GNG7: variants seen among roughly 807,000 people sequenced by gnomAD.
The protein encoded by GNG7 is G protein subunit gamma 7, also known as guanine nucleotide-binding protein G(I)/G(S)/G(O) subunit gamma-7.
In GNG7, 1 loss-of-function variant was observed where a neutral mutation model predicts 4.0. The observed-to-expected ratio is 0.25, with a 90% confidence interval of 0.09 to 1.18. The LOEUF is 1.18. GNG7 is among the 50% of genes most tolerant of loss of function. GNG7 has a pLI of 0.50. For synonymous variants in GNG7, 34 were observed against 36.9 expected (o/e 0.92, Z 0.29); for missense variants, 86 against 91.9 (o/e 0.94, Z 0.26).
chr19:2,560,909 A>G (rs1477159792), intron 2 of GNG7, among the ~76,000 whole-genome samples: 1 of 151,254 alleles, frequency 6.6e-6, no homozygotes, highest in African/African-American at 2.4e-5. Flanking sequence ...GTGAGCCGAG[A>G]TCGTACCATT....
intron 2 of GNG7, among the ~76,000 whole-genome samples, chr19:2,593,933 A>AC (rs1326120395): frequency 2.6e-5 from 4 of 151,598 alleles, no homozygotes; most frequent in African/African-American, 7.3e-5. Flanking sequence ...GATGCCAAAA[A>AC]AAAAAAAAAA....
At chr19:2,616,654 T>C (rs1052935224) in intron 2 of GNG7, among the ~76,000 whole-genome samples, 2 of 151,588 alleles carry the variant, frequency 1.3e-5, no homozygotes, top group African/African-American at 4.8e-5. Context: ...CGGGTGCCTG[T>C]AATCCCAGCT....
chr19:2,684,249 G>A (rs2144902728), intron 1 of GNG7, among the ~76,000 whole-genome samples: 1 of 151,030 alleles, frequency 6.6e-6, no homozygotes, highest in Non-Finnish European at 1.5e-5. Context: ...CAATTCTCCT[G>A]CCTCAGCCTC....
At chr19:2,560,943 G>A (rs1258480092) in intron 2 of GNG7, among the ~76,000 whole-genome samples, 2 of 132,564 alleles carry the variant, frequency 1.5e-5, no homozygotes, top group Non-Finnish European at 3.2e-5. Flanking sequence ...GGCGACAGAA[G>A]GAGACTGTTT....
At position 2,618,698 on chromosome 19, in the gene GNG7, T is replaced by G. The variant is rs1487440657; in HGVS notation, c.-78+27526A>C. Among the ~76,000 whole-genome samples the G allele has an allele frequency of 6.6e-6, 1 of 151,950 alleles. No individual in the cohort carries two copies. Among genetic ancestry groups the G allele is most frequent in the Non-Finnish European group, 1.5e-5 (1 of 67,990 alleles). ...AATTTTATTTGGAGTAATTTTAGAT[T>G]TACAGGAAAGTTGCAAAGAGAGAGT... On this transcript the variant is annotated intron_variant, in intron 2 of 4. Transcript: ENST00000382159. This position sits in a 1 kb window ranked among gnomAD's most constrained non-coding sequence, Gnocchi z 5.1.
chr19:2,517,965 C>T (rs1311607329), intron 4 of GNG7, among the ~76,000 whole-genome samples: 1 of 152,174 alleles, frequency 6.6e-6, no homozygotes, highest in Non-Finnish European at 1.5e-5. Flanking sequence ...GTGAGCCCGC[C>T]GGCTGCGGCC....
chr19:2,540,914 C>T (rs1209256049), intron 3 of GNG7, among the ~76,000 whole-genome samples: 3 of 152,192 alleles, frequency 2.0e-5, no homozygotes, highest in Non-Finnish European at 2.9e-5. Context: ...ACTCCCGGCT[C>T]GATAAACCGA....
intron 2 of GNG7, chr19:2,642,957 C>T (rs762384938): frequency 2.2e-6 from 1 of 451,308 alleles, no homozygotes; most frequent in Non-Finnish European, 4.4e-6. Flanking sequence ...ACCTTCTGGC[C>T]CTGCCGTCGG....
At chr19:2,541,301 GTC>G (rs934155856) in intron 3 of GNG7, among the ~76,000 whole-genome samples, 1 of 152,034 alleles carries the variant, frequency 6.6e-6, no homozygotes, top group African/African-American at 2.4e-5. Flanking sequence ...GTGAGACCCT[GTC>G]TCTAAAATAA....
At chr19:2,518,122 C>A (rs898619227) in intron 4 of GNG7, among the ~76,000 whole-genome samples, 2 of 152,194 alleles carry the variant, frequency 1.3e-5, no homozygotes, top group Non-Finnish European at 2.9e-5. Context: ...ATGCCCACTG[C>A]GCTGGGCTGG....
At chr19:2,523,621 C>T (rs1425024284) in intron 3 of GNG7, among the ~76,000 whole-genome samples, 1 of 152,132 alleles carries the variant, frequency 6.6e-6, no homozygotes. Context: ...CACAGAGAGC[C>T]TCACACACTC....
At chr19:2,535,884 G>C (rs1031335962) in intron 3 of GNG7, among the ~76,000 whole-genome samples, 2 of 152,038 alleles carry the variant, frequency 1.3e-5, no homozygotes, top group East Asian at 3.9e-4. Flanking sequence ...CCAGTGCTTT[G>C]GGAGGCCAAG....
At chr19:2,551,608 C>CAAATATATATTTAT (rs1979330175) in intron 3 of GNG7, among the ~76,000 whole-genome samples, 16 of 147,140 alleles carry the variant, frequency 1.1e-4, no homozygotes, top group East Asian at 3.9e-4. Flanking sequence ...AATATATAAA[C>CAAATATATATTTAT]AAATATATAT....
intron 1 of GNG7, among the ~76,000 whole-genome samples, chr19:2,676,005 G>A (rs941544306): frequency 6.6e-6 from 1 of 152,256 alleles, no homozygotes; most frequent in African/African-American, 2.4e-5. Flanking sequence ...AATAACTGAT[G>A]TCCTTATAAG....
rs1555697052 is a variant in GNG7 at position 2,602,904 on chromosome 19, T to TCTTTCTTTCTTTG, written c.-78+43319_-78+43320insCAAAGAAAGAAAG. Among the ~76,000 whole-genome samples the TCTTTCTTTCTTTG allele has an allele frequency of 1.1e-4, 17 of 149,928 alleles. No individual in the cohort carries two copies. In the East Asian group the frequency reaches 2.5e-3, roughly 22 times the overall value. ...TTCTCTTTCTTTTTCTCTTTTTCTTTCTTTCTTTCTTTCTTTCTTTTTGTT... is the reference window on the plus strand; with the variant it reads ...TTCTCTTTCTTTTTCTCTTTTTCTTTCTTTCTTTCTTTGCTTTCTTTCTTTCTTTCTTTTTGTT... On this transcript the variant is annotated intron_variant, in intron 2 of 4. Transcript: ENST00000382159.
chr19:2,586,723 G>A (rs971200601), intron 2 of GNG7, among the ~76,000 whole-genome samples: 11 of 152,056 alleles, frequency 7.2e-5, no homozygotes, highest in African/African-American at 2.7e-4. Context: ...AGTGGCTCAC[G>A]CCTGTAATCC....
At chr19:2,554,014 A>G (rs1979468481) in intron 3 of GNG7, among the ~76,000 whole-genome samples, 1 of 147,542 alleles carries the variant, frequency 6.8e-6, no homozygotes, top group Admixed American at 6.9e-5. Context: ...TATATATTAT[A>G]TGTATATATG....
intron 1 of GNG7, among the ~76,000 whole-genome samples, chr19:2,655,709 G>A (rs1289296464): frequency 1.3e-5 from 2 of 151,648 alleles, no homozygotes; most frequent in Non-Finnish European, 2.9e-5. Flanking sequence ...CGTGGTGGCG[G>A]GCGCCTGTAG....
chr19:2,522,789 G>C (rs1041514593), intron 3 of GNG7, among the ~76,000 whole-genome samples: 1 of 146,042 alleles, frequency 6.8e-6, no homozygotes, highest in Non-Finnish European at 1.5e-5. Flanking sequence ...AGAAGGAAAG[G>C]ACCATCCATG....
Sources: allele counts gnomAD v4.1 joint callset (sites outside exome capture counted in the v4.1 genomes callset), GRCh38; gene constraint gnomAD v4.1.1; non-coding constraint Gnocchi (gnomAD v3.1); transcripts MANE v1.5; gene names NCBI Gene and HGNC (gene_info 2026-07-23, HGNC 2026-07-21).